The following EGFLAM variants were observed in gnomAD, a reference collection of about 807,000 sequenced individuals.
EGFLAM encodes EGF like, fibronectin type III and laminin G domains.
EGFLAM carries 79 observed loss-of-function variants against 113.1 expected under a neutral mutation model. That is an observed-to-expected ratio of 0.70 (90% CI 0.58 to 0.84). The LOEUF (loss-of-function observed/expected upper bound fraction) is 0.84, where lower values mean the gene tolerates loss of function less well. Ranked by LOEUF, EGFLAM falls within the 40% of genes least tolerant of loss-of-function variation. The pLI is 0.00. For synonymous variants in EGFLAM, 504 were observed against 487.6 expected, an observed-to-expected ratio of 1.03 and a Z score of -0.44; for missense variants, 1,265 against 1,291.6, an observed-to-expected ratio of 0.98 and a Z score of 0.32.
intron 5 of EGFLAM, among the ~76,000 whole-genome samples, chr5:38,367,607 C>G (rs1740096551): frequency 6.6e-6 from 1 of 152,098 alleles, no homozygotes; most frequent in South Asian, 2.1e-4. Context: ...AACTTCTCAC[C>G]CTCTGGCCTT....
At chr5:38,427,390 A>T (rs116301725) in intron 14 of EGFLAM, 138 bp downstream of exon 14, 31,730 of 1,424,774 alleles carry the variant, frequency 0.022, 452 homozygotes, top group Non-Finnish European at 0.027. Flanking sequence ...ACTTGTCCTG[A>T]CTTGTCCTGC....
intron 5 of EGFLAM, among the ~76,000 whole-genome samples, chr5:38,354,479 A>G (rs1739711381): frequency 6.6e-6 from 1 of 152,248 alleles, no homozygotes; most frequent in African/African-American, 2.4e-5. Flanking sequence ...CTGTAATCCC[A>G]GCACTTTGGG....
chr5:38,310,701 A>G (rs571363068), intron 1 of EGFLAM, among the ~76,000 whole-genome samples: 53 of 152,234 alleles, frequency 3.5e-4, no homozygotes, highest in African/African-American at 1.3e-3. Flanking sequence ...TTGTGGCTTG[A>G]ATTTGCAGGC....
Position 38,258,702 on chromosome 5 carries a change from C to T in EGFLAM, c.-53C>T, listed in dbSNP as rs1013350440. The T allele has an allele frequency of 2.4e-5, 37 of 1,563,446 alleles. 1 individual carries two copies. In the South Asian group the frequency reaches 3.6e-4, roughly 15 times the overall value. On this transcript the variant is annotated 5_prime_UTR_variant, in exon 1 of 22. Coordinates refer to ENST00000322350, the MANE Select transcript of EGFLAM (RefSeq NM_152403.4). ...GTCCCCCACGCGCCCCCGGAGACGCCCTTTCCGTGTGCGCCCGGGACTTGG... is the reference window on the plus strand; with the variant it reads ...GTCCCCCACGCGCCCCCGGAGACGCTCTTTCCGTGTGCGCCCGGGACTTGG...
chr5:38,259,003 C>G (rs1009187721), intron 1 of EGFLAM, 152 bp downstream of exon 1: 1 of 827,052 alleles, frequency 1.2e-6, no homozygotes, highest in African/African-American at 1.8e-5. Flanking sequence ...AGAAAAGACG[C>G]AAACCTCGCC....
At chr5:38,400,301 C>T (rs1176180184) in intron 6 of EGFLAM, among the ~76,000 whole-genome samples, 1 of 152,112 alleles carries the variant, frequency 6.6e-6, no homozygotes, top group African/African-American at 2.4e-5. Context: ...AAATAAAAGT[C>T]ACCCTTTTAT....
chr5:38,273,014 G>A (rs73073413), intron 1 of EGFLAM, among the ~76,000 whole-genome samples: 6,710 of 152,194 alleles, frequency 0.044, 475 homozygotes, highest in African/African-American at 0.15. Flanking sequence ...AACTATCCAT[G>A]CATGAAAATA....
chr5:38,332,573 C>T (rs556933584), intron 1 of EGFLAM, among the ~76,000 whole-genome samples: 1 of 152,294 alleles, frequency 6.6e-6, no homozygotes, highest in Admixed American at 6.5e-5. Context: ...GACTCACAGC[C>T]TTCAGAGCTG....
intron 6 of EGFLAM, chr5:38,403,728 G>A (rs1389015958): frequency 6.0e-6 from 9 of 1,498,302 alleles, no homozygotes; most frequent in South Asian, 3.7e-5. Context: ...GTGGTTGATC[G>A]AGGGTAAATG....
chr5:38,377,423 C>T (rs1248829712), intron 6 of EGFLAM, among the ~76,000 whole-genome samples: 4 of 152,284 alleles, frequency 2.6e-5, no homozygotes, highest in African/African-American at 7.2e-5. Context: ...GGATTACAGG[C>T]GTGAGCCACC....
At chr5:38,421,414 G>A (rs567398741) in intron 12 of EGFLAM, among the ~76,000 whole-genome samples, 2 of 152,218 alleles carry the variant, frequency 1.3e-5, no homozygotes, top group Non-Finnish European at 2.9e-5. Context: ...CTCTGCTGGA[G>A]CAGTCACAGA....
chr5:38,418,772 G>A (rs1741736281), intron 12 of EGFLAM, among the ~76,000 whole-genome samples: 1 of 152,186 alleles, frequency 6.6e-6, no homozygotes, highest in South Asian at 2.1e-4. Context: ...TTTTACAGAT[G>A]AGGAAACTGG....
chr5:38,432,325 A>G (rs2561807), intron 15 of EGFLAM, among the ~76,000 whole-genome samples: 1 of 152,028 alleles, frequency 6.6e-6, no homozygotes, highest in South Asian at 2.1e-4. Context: ...AAAGGGACAC[A>G]TGTGTCCAGA....
intron 1 of EGFLAM, among the ~76,000 whole-genome samples, chr5:38,314,744 A>T (rs1326073276): frequency 1.3e-5 from 2 of 152,170 alleles, no homozygotes; most frequent in Non-Finnish European, 2.9e-5. Flanking sequence ...CATAGTGGTG[A>T]CTTGTTGAAC....
chr5:38,292,942 A>G (rs1262890226), intron 1 of EGFLAM, among the ~76,000 whole-genome samples: 1 of 152,212 alleles, frequency 6.6e-6, no homozygotes, highest in African/African-American at 2.4e-5. Context: ...GGAACATAAA[A>G]CAGAGTTATC....
chr5:38,258,562 C>A lies in EGFLAM; in HGVS notation c.-193C>A. 2 of 621,546 alleles carry A rather than the reference C, an allele frequency of 3.2e-6. No individual in the cohort carries two copies. Among genetic ancestry groups the A allele is most frequent in the Non-Finnish European group, 5.7e-6 (2 of 353,342 alleles). The allele number at this position is 621,546 out of a possible 1,614,324, so 38.5% of individuals were successfully genotyped here. On this transcript the variant is annotated 5_prime_UTR_variant, in exon 1 of 22. Transcript: ENST00000322350. ...CCTGCAGCTTGCAGCCGGCTTCACT[C>A]GCGCACGCCGACCTCCCGGCTGCAG...
Position 38,445,445 on chromosome 5 carries a change from A to C in EGFLAM, c.2465-2856A>C, listed in dbSNP as rs979298942. On this transcript the variant is annotated intron_variant, in intron 17 of 21. Transcript: ENST00000322350. ...CGCCACGCCCACCTTCAATAAGCCG[A>C]GAAGAGGTGAGGAGGCGGGTGGCTG... 2.9e-6 allele frequency: 4 copies of C among 1,384,676 alleles called. No individual in the cohort carries two copies. In the African/African-American group the frequency reaches 5.8e-5, roughly 20 times the overall value. 85.8% of individuals were successfully genotyped at this position (1,384,676 alleles called of 1,614,324 possible).
chr5:38,462,655 C>A (rs1743325325), intron 20 of EGFLAM: 1 of 419,076 alleles, frequency 2.4e-6, no homozygotes, highest in East Asian at 4.7e-5. Context: ...TCCACAGCAC[C>A]CTTGTGGTCT....
intron 1 of EGFLAM, among the ~76,000 whole-genome samples, chr5:38,298,217 C>T (rs1314349726): frequency 3.9e-5 from 6 of 152,142 alleles, no homozygotes; most frequent in South Asian, 4.2e-4. Context: ...TCTTCTTTCC[C>T]GCCTGTACAG....
Sources: gnomAD v4.1 joint callset for allele counts (sites outside exome capture counted in the v4.1 genomes callset) on GRCh38, gnomAD v4.1.1 for gene constraint, MANE v1.5 for transcripts, NCBI Gene and HGNC (gene_info 2026-07-23, HGNC 2026-07-21) for gene names.